SPOCK3: variants seen among roughly 807,000 people sequenced by gnomAD.
The protein encoded by SPOCK3 is SPARC (osteonectin), cwcv and kazal like domains proteoglycan 3.
Under a neutral mutation model 56.6 loss-of-function variants are expected in SPOCK3, and 30 were observed. The observed-to-expected ratio is 0.53, with a 90% CI of 0.40 to 0.72. SPOCK3 has a LOEUF of 0.72. Among genes scored for constraint, SPOCK3 ranks in the 30% least tolerant of loss-of-function variants. SPOCK3 has a pLI of 0.00. For missense variants in SPOCK3, 527 were observed against 530.0 expected, an observed-to-expected ratio of 0.99 and a Z score of 0.06; for synonymous variants, 196 against 183.3, an observed-to-expected ratio of 1.07 and a Z score of -0.56.
Position 166,825,261 on chromosome 4 carries a change from C to T in SPOCK3, c.590-32972G>A, listed in dbSNP as rs115293144. Among the ~76,000 whole-genome samples the T allele has an allele frequency of 2.4e-3, 368 of 152,058 alleles. 2 individuals are homozygous for T. Among genetic ancestry groups the T allele is most frequent in the African/African-American group, 8.2e-3 (339 of 41,496 alleles). ...AGTGTTTTTCTTTTATATTTTCTGACCTGAGAAGTAAAACTATTAAGATTC... is the reference window on the plus strand; with the variant it reads ...AGTGTTTTTCTTTTATATTTTCTGATCTGAGAAGTAAAACTATTAAGATTC... On this transcript the variant is annotated intron_variant, in intron 6 of 10. Transcript: ENST00000357545.
At chr4:167,048,189 T>C (rs1439008734) in intron 3 of SPOCK3, among the ~76,000 whole-genome samples, 3 of 152,000 alleles carry the variant, frequency 2.0e-5, no homozygotes, top group Non-Finnish European at 4.4e-5. Flanking sequence ...ATATTAATTA[T>C]ATTGTCAAAA....
intron 4 of SPOCK3, among the ~76,000 whole-genome samples, chr4:166,938,833 T>C (rs1240552491): frequency 6.6e-6 from 1 of 151,128 alleles, no homozygotes; most frequent in Admixed American, 6.6e-5. Flanking sequence ...AAGAAAAGAG[T>C]TCCAAAAAAG....
At chr4:167,175,051 T>C (rs773765387) in intron 2 of SPOCK3, among the ~76,000 whole-genome samples, 9 of 152,132 alleles carry the variant, frequency 5.9e-5, no homozygotes, top group East Asian at 1.9e-4. Context: ...TTTTACCTAC[T>C]ACCTGCAGAA....
chr4:167,186,160 A>G (rs549648279), intron 2 of SPOCK3, among the ~76,000 whole-genome samples: 1 of 152,224 alleles, frequency 6.6e-6, no homozygotes, highest in African/African-American at 2.4e-5. Context: ...CAAATTCAAC[A>G]ATTAATTATA....
intron 10 of SPOCK3, among the ~76,000 whole-genome samples, 195 bp downstream of exon 10, chr4:166,737,272 G>T (rs1034504743): frequency 1.3e-5 from 2 of 152,102 alleles, no homozygotes; most frequent in African/African-American, 2.4e-5. Context: ...TCTAAATTAT[G>T]CAATGACCAC....
intron 6 of SPOCK3, among the ~76,000 whole-genome samples, chr4:166,829,346 T>C (rs953383549): frequency 2.0e-5 from 3 of 152,082 alleles, no homozygotes; most frequent in African/African-American, 7.2e-5. Context: ...ATATTTCTAC[T>C]CACTAACATG....
At chr4:166,797,443 C>G (rs1742082917) in intron 6 of SPOCK3, among the ~76,000 whole-genome samples, 1 of 151,330 alleles carries the variant, frequency 6.6e-6, no homozygotes. Context: ...ACTCTTTTGG[C>G]TTTTTATTTA....
intron 5 of SPOCK3, among the ~76,000 whole-genome samples, chr4:166,909,428 A>G (rs992614665): frequency 6.6e-6 from 1 of 152,102 alleles, no homozygotes. Flanking sequence ...CAATGAAAAT[A>G]TCATTTATAA....
At chr4:166,847,166 A>G (rs1018393070) in intron 6 of SPOCK3, among the ~76,000 whole-genome samples, 1 of 152,164 alleles carries the variant, frequency 6.6e-6, no homozygotes, top group African/African-American at 2.4e-5. Flanking sequence ...AAGTCTGGTC[A>G]TATGATGGAG....
At chr4:166,965,187 C>T (rs1337368435) in intron 4 of SPOCK3, among the ~76,000 whole-genome samples, 2 of 151,878 alleles carry the variant, frequency 1.3e-5, no homozygotes, top group Non-Finnish European at 2.9e-5. Context: ...ATGCAGACTA[C>T]TTAGAGTCAA....
chr4:167,070,055 T>A (rs1364932285), intron 2 of SPOCK3, among the ~76,000 whole-genome samples: 3 of 151,930 alleles, frequency 2.0e-5, no homozygotes, highest in Non-Finnish European at 4.4e-5. Flanking sequence ...GCAACAACCA[T>A]CACTGTTGAA....
At chr4:167,159,104 G>T (rs997872923) in intron 2 of SPOCK3, among the ~76,000 whole-genome samples, 2 of 152,000 alleles carry the variant, frequency 1.3e-5, no homozygotes, top group Non-Finnish European at 2.9e-5. Context: ...TGTCCTTGGT[G>T]TGAATCCTTT....
chr4:166,940,370 C>G (rs865896319), intron 4 of SPOCK3, among the ~76,000 whole-genome samples: 2 of 152,068 alleles, frequency 1.3e-5, no homozygotes, highest in Non-Finnish European at 2.9e-5. Context: ...AGAAACTGAC[C>G]ATTCTATACA....
rs138698286 is a variant in SPOCK3 at position 167,197,001 on chromosome 4, G to A, written c.189+36984C>T. On this transcript the variant is annotated intron_variant, in intron 2 of 10. Coordinates refer to ENST00000357545, the MANE Select transcript of SPOCK3 (RefSeq NM_001040159.2). The stretch of plus-strand genomic sequence containing the variant: ...AATGACCTTCTATTACCTTTATCAA[G>A]GTTTATTGTTGAGAAGCATATCACA... 3.6e-3 allele frequency among the ~76,000 whole-genome samples: 552 copies of A among 152,162 alleles called. 3 individuals carry two copies. The highest frequency in any genetic ancestry group is 0.013 in the African/African-American group (521 of 41,520).
At chr4:167,001,356 A>G (rs1748934922) in intron 3 of SPOCK3, among the ~76,000 whole-genome samples, 1 of 152,118 alleles carries the variant, frequency 6.6e-6, no homozygotes, top group South Asian at 2.1e-4. Context: ...CCTATTCTGG[A>G]CATTTTATAT....
At chr4:166,903,447 C>T (rs2127064814) in intron 5 of SPOCK3, among the ~76,000 whole-genome samples, 1 of 152,042 alleles carries the variant, frequency 6.6e-6, no homozygotes, top group Middle Eastern at 3.4e-3. Flanking sequence ...ATTATTACCC[C>T]ATGCTACTGG....
chr4:167,054,579 C>T (rs1754581978), intron 3 of SPOCK3, among the ~76,000 whole-genome samples: 1 of 152,066 alleles, frequency 6.6e-6, no homozygotes, highest in African/African-American at 2.4e-5. Context: ...GTGGAGATGC[C>T]CAGACCAATA....
chr4:167,017,025 C>A (rs748796808), intron 3 of SPOCK3, among the ~76,000 whole-genome samples: 15 of 151,970 alleles, frequency 9.9e-5, no homozygotes, highest in Non-Finnish European at 2.1e-4. Flanking sequence ...TTGAAACATG[C>A]AAAGAATATA....
intron 3 of SPOCK3, among the ~76,000 whole-genome samples, chr4:167,040,822 A>T (rs1753175645): frequency 6.6e-6 from 1 of 152,220 alleles, no homozygotes. Context: ...TAGGGGATAA[A>T]AGAGACCTTG....
Sources: allele counts gnomAD v4.1 joint callset (sites outside exome capture counted in the v4.1 genomes callset), GRCh38; gene constraint gnomAD v4.1.1; transcripts MANE v1.5; gene names NCBI Gene and HGNC (gene_info 2026-07-23, HGNC 2026-07-21).